SUGCT: variants seen among roughly 807,000 people sequenced by gnomAD.
SUGCT encodes succinyl-CoA:glutarate CoA-transferase.
Under a neutral mutation model 55.0 loss-of-function variants are expected in SUGCT, and 41 were observed. The ratio of observed to expected loss-of-function variants is 0.74; its 90% CI spans 0.58 to 0.97. SUGCT has a LOEUF of 0.97. Ranked by LOEUF, SUGCT falls within the 50% of genes least tolerant of loss-of-function variation. The pLI is 0.00. For missense variants in SUGCT, 568 were observed against 547.8 expected, an observed-to-expected ratio of 1.04 and a Z score of -0.37; for synonymous variants, 187 against 200.4, an observed-to-expected ratio of 0.93 and a Z score of 0.56.
intron 7 of SUGCT, among the ~76,000 whole-genome samples, chr7:40,267,519 A>G (rs1042485566): frequency 6.6e-6 from 1 of 152,192 alleles, no homozygotes; most frequent in Non-Finnish European, 1.5e-5. Context: ...ATGTATTTTT[A>G]CTAAAGATTT....
chr7:40,299,205 G>A (rs549249694), intron 8 of SUGCT, among the ~76,000 whole-genome samples: 4 of 152,214 alleles, frequency 2.6e-5, no homozygotes, highest in African/African-American at 9.6e-5. Flanking sequence ...TGCCAGACGG[G>A]TAATTAAAAT....
chr7:40,790,065 T>C (rs1790229005), intron 13 of SUGCT, among the ~76,000 whole-genome samples: 1 of 152,238 alleles, frequency 6.6e-6, no homozygotes, highest in Non-Finnish European at 1.5e-5. Context: ...CAATGAATTT[T>C]CACTGCTATA....
At chr7:40,268,460 G>A (rs1016282332) in intron 7 of SUGCT, among the ~76,000 whole-genome samples, 8 of 152,028 alleles carry the variant, frequency 5.3e-5, no homozygotes, top group African/African-American at 1.2e-4. Flanking sequence ...ATATCCCACC[G>A]TATTGTATTA....
At chr7:40,923,232 A>G in the SUGCT span, among the ~76,000 whole-genome samples, 1 of 152,222 alleles carries the variant, frequency 6.6e-6, no homozygotes, top group Non-Finnish European at 1.5e-5. Flanking sequence ...TGGTTTTAAA[A>G]GCATTGCAGT....
intron 13 of SUGCT, among the ~76,000 whole-genome samples, chr7:40,844,744 C>G (rs1793470231): frequency 1.3e-5 from 2 of 152,246 alleles, no homozygotes; most frequent in Non-Finnish European, 2.9e-5. Flanking sequence ...CCCAGTACTT[C>G]CCTGCCTCCT....
At chr7:40,937,698 G>A in the SUGCT span, among the ~76,000 whole-genome samples, 1 of 152,086 alleles carries the variant, frequency 6.6e-6, no homozygotes, top group African/African-American at 2.4e-5. Context: ...TATTTTGCCT[G>A]ATATTAGTAT....
At chr7:40,740,660 G>A (rs997753874) in intron 12 of SUGCT, among the ~76,000 whole-genome samples, 29 of 150,810 alleles carry the variant, frequency 1.9e-4, no homozygotes, top group African/African-American at 6.3e-4. Context: ...TAGATTTTTT[G>A]TAGGTGCTCT....
At chr7:40,381,662 A>C (rs1784880398) in intron 9 of SUGCT, among the ~76,000 whole-genome samples, 1 of 152,152 alleles carries the variant, frequency 6.6e-6, no homozygotes, top group African/African-American at 2.4e-5. Context: ...AATGAAACTT[A>C]CTACATTACT....
At chr7:40,297,259 G>A (rs912464512) in intron 8 of SUGCT, among the ~76,000 whole-genome samples, 7 of 151,780 alleles carry the variant, frequency 4.6e-5, no homozygotes, top group East Asian at 1.9e-4. Context: ...TACCTAAAGC[G>A]TTTACTTTTT....
chr7:40,512,663 T>C (rs1792994668), intron 12 of SUGCT, among the ~76,000 whole-genome samples: 2 of 152,168 alleles, frequency 1.3e-5, no homozygotes, highest in African/African-American at 4.8e-5. Flanking sequence ...ATTTTTTTTT[T>C]AAGATGGTAA....
intron 9 of SUGCT, among the ~76,000 whole-genome samples, chr7:40,357,797 T>A (rs992232643): frequency 6.6e-5 from 10 of 152,178 alleles, no homozygotes; most frequent in African/African-American, 2.4e-4. Flanking sequence ...TTGATTTTTT[T>A]AACCATTTAA....
At chr7:40,943,078 G>A in the SUGCT span, among the ~76,000 whole-genome samples, 2 of 151,640 alleles carry the variant, frequency 1.3e-5, no homozygotes, top group Non-Finnish European at 2.9e-5. Flanking sequence ...TGTCATCTTG[G>A]TCTGTATGCA....
At position 40,194,758 on chromosome 7, in the gene SUGCT, A is replaced by C. The variant is rs181024549; in HGVS notation, c.364-182A>C. 4.0e-3 allele frequency among the ~76,000 whole-genome samples: 604 copies of C among 152,276 alleles called. 1 individual carries two copies. The highest frequency in any genetic ancestry group is 4.7e-3 in the Non-Finnish European group (323 of 68,020). On this transcript the variant is annotated intron_variant, in intron 5 of 13. Coordinates refer to ENST00000335693, the MANE Select transcript of SUGCT (RefSeq NM_001193313.2). ...ACTTACAAAAACTTTAATAGCCATT[A>C]TTTTACTGACAGTAATGCTTTAAGT... is the stretch of plus-strand genomic sequence containing the variant.
intron 1 of SUGCT, 28 bp downstream of exon 1, chr7:40,135,148 C>A: frequency 6.6e-7 from 1 of 1,522,770 alleles, no homozygotes; most frequent in Non-Finnish European, 8.8e-7. Context: ...GTCTGGGTGG[C>A]TAAAGGGATC....
chr7:40,333,965 A>G (rs1290613930), intron 9 of SUGCT, among the ~76,000 whole-genome samples: 1 of 151,712 alleles, frequency 6.6e-6, no homozygotes, highest in Non-Finnish European at 1.5e-5. Flanking sequence ...AAGTGTTCTC[A>G]TTGTTCAATT....
At chr7:40,242,026 C>T (rs1003907788) in intron 7 of SUGCT, among the ~76,000 whole-genome samples, 1 of 151,792 alleles carries the variant, frequency 6.6e-6, no homozygotes, top group African/African-American at 2.4e-5. Flanking sequence ...GTGGTGTTGT[C>T]AGATTAGATT....
chr7:40,584,600 C>T (rs1797277458), intron 12 of SUGCT, among the ~76,000 whole-genome samples: 1 of 152,142 alleles, frequency 6.6e-6, no homozygotes, highest in African/African-American at 2.4e-5. Context: ...ACCATCACAA[C>T]ACTCCATCAA....
chr7:40,983,262 AT>A, the SUGCT span, among the ~76,000 whole-genome samples: 1 of 151,908 alleles, frequency 6.6e-6, no homozygotes, highest in Non-Finnish European at 1.5e-5. Flanking sequence ...TTCTCACCCC[AT>A]GCTTGTTTAC....
chr7:40,422,576 G>A (rs1027570622), intron 9 of SUGCT, among the ~76,000 whole-genome samples: 1 of 151,748 alleles, frequency 6.6e-6, no homozygotes, highest in Non-Finnish European at 1.5e-5. Context: ...TCCTAAACTT[G>A]TAGTTTTTAC....
Sources: allele counts gnomAD v4.1 joint callset (sites outside exome capture counted in the v4.1 genomes callset), GRCh38; gene constraint gnomAD v4.1.1; transcripts MANE v1.5; gene names NCBI Gene and HGNC (gene_info 2026-07-23, HGNC 2026-07-21).